Variants in FRY observed in about 807,000 individuals in gnomAD.
FRY encodes FRY microtubule binding protein, also known as protein furry homolog.
In FRY, 128 loss-of-function variants were observed where a neutral mutation model predicts 348.4. The ratio of observed to expected loss-of-function variants is 0.37; its 90% confidence interval spans 0.32 to 0.43. The LOEUF is 0.43. FRY is among the 20% of genes least tolerant of loss of function. The probability of loss-of-function intolerance (pLI) is 1.00; values close to 1 mark genes in which losing one functional copy is unlikely to be tolerated. For missense variants in FRY, 2,736 were observed against 3,695.2 expected, an observed-to-expected ratio of 0.74 and a Z score of 6.73; for synonymous variants, 1,370 against 1,374.7, an observed-to-expected ratio of 1.00 and a Z score of 0.08.
chr13:32,238,378 G>A (rs1293386526), intron 44 of FRY, among the ~76,000 whole-genome samples: 1 of 151,668 alleles, frequency 6.6e-6, no homozygotes, highest in Non-Finnish European at 1.5e-5. Context: ...AATTCTGTTG[G>A]TTTCCTCTTG....
intron 2 of FRY, among the ~76,000 whole-genome samples, chr13:32,095,279 C>A (rs1430543891): frequency 2.0e-5 from 3 of 146,420 alleles, no homozygotes; most frequent in Non-Finnish European, 3.0e-5. Context: ...CAAATATTTT[C>A]TCCTGTTCTG....
chr13:32,035,074 C>T (rs1421521947), intron 1 of FRY, among the ~76,000 whole-genome samples: 8 of 152,310 alleles, frequency 5.3e-5, no homozygotes, highest in Admixed American at 4.6e-4. Context: ...GCACTTAGCA[C>T]AATACCTAGC....
chr13:32,133,530 A>T (rs781475147), intron 8 of FRY, among the ~76,000 whole-genome samples: 1 of 152,180 alleles, frequency 6.6e-6, no homozygotes, highest in East Asian at 1.9e-4. Context: ...CAAAAGAATG[A>T]CTATTCTGGG....
chr13:32,212,266 T>C, intron 34 of FRY, 26 bp from the exon 35 acceptor site: 2 of 1,349,756 alleles, frequency 1.5e-6, no homozygotes, highest in South Asian at 1.2e-5. Context: ...TTTTTATAAG[T>C]GTTTTTCTTC....
rs760365130 is a variant in FRY, at chr13:32,295,390, G to T, written c.8972G>T (p.Arg2991Leu). Residue 2991 changes from arginine (R) to leucine (L), a missense_variant, in exon 61 of 61, where the codon CGC becomes CTC. Around this residue, in one of 9 missense-constraint regions of FRY, gnomAD observed 157 missense variants for 215.2 expected, o/e 0.73. Transcript: ENST00000542859. Reference protein sequence around the residue: ...ELNMEIRDMIRRAQSYRVLTT... With the variant: ...ELNMEIRDMILRAQSYRVLTT... ...AACATGGAGATCCGGGACATGATCCGCAGGGCCCAGAGTTACCGAGTCCTC... is the reference window on the plus strand; with the variant it reads ...AACATGGAGATCCGGGACATGATCCTCAGGGCCCAGAGTTACCGAGTCCTC... 1.8e-5 allele frequency: 29 copies of T among 1,612,646 alleles called. No individual in the cohort carries two copies. The highest frequency in any genetic ancestry group is 2.7e-5 in the African/African-American group (2 of 74,912).
intron 2 of FRY, among the ~76,000 whole-genome samples, chr13:32,094,975 T>C (rs1876590303): frequency 6.6e-6 from 1 of 152,240 alleles, no homozygotes; most frequent in Non-Finnish European, 1.5e-5. Flanking sequence ...AACCAGTGTA[T>C]GAAGGTTCCC....
chr13:32,144,151 C>T (rs562771250), intron 11 of FRY, among the ~76,000 whole-genome samples: 2 of 150,562 alleles, frequency 1.3e-5, no homozygotes, highest in African/African-American at 4.9e-5. Context: ...TTCAAGTCCC[C>T]TTTAAGTAAC....
intron 35 of FRY, among the ~76,000 whole-genome samples, chr13:32,218,435 C>T (rs372331252): frequency 1.3e-5 from 2 of 152,154 alleles, no homozygotes; most frequent in African/African-American, 4.8e-5. Context: ...AATCTCAGCA[C>T]TCTGGGAGGC....
At chr13:32,099,530 A>G (rs1182776585) in intron 2 of FRY, among the ~76,000 whole-genome samples, 1 of 152,084 alleles carries the variant, frequency 6.6e-6, no homozygotes, top group Admixed American at 6.6e-5. Context: ...CTGAAAGAGC[A>G]CAAAGAAATA....
chr13:32,148,028 C>A, intron 13 of FRY, 81 bp downstream of exon 13: 1 of 835,308 alleles, frequency 1.2e-6, no homozygotes, highest in Non-Finnish European at 2.1e-6. Flanking sequence ...TACTAAAAGA[C>A]GGAAAGTCTA....
intron 47 of FRY, 90 bp from the exon 48 acceptor site, chr13:32,247,233 G>A (rs1407178448): frequency 1.9e-6 from 2 of 1,039,392 alleles, no homozygotes; most frequent in Non-Finnish European, 3.0e-6. Context: ...AATTCTGACT[G>A]GTCACTAGCT....
intron 1 of FRY, among the ~76,000 whole-genome samples, 189 bp from the exon 2 acceptor site, chr13:32,078,645 A>T (rs910949432): frequency 6.6e-6 from 1 of 152,258 alleles, no homozygotes; most frequent in African/African-American, 2.4e-5. Context: ...CAAATGTGGT[A>T]TAACACAAAC....
intron 46 of FRY, among the ~76,000 whole-genome samples, chr13:32,241,202 G>A (rs1886480085): frequency 6.6e-6 from 1 of 152,162 alleles, no homozygotes; most frequent in Non-Finnish European, 1.5e-5. Flanking sequence ...GGCAGACCTT[G>A]CCTCCTTTAA....
intron 7 of FRY, among the ~76,000 whole-genome samples, chr13:32,129,366 G>T (rs1361376465): frequency 6.6e-6 from 1 of 152,172 alleles, no homozygotes; most frequent in Non-Finnish European, 1.5e-5. Context: ...ACCAGAGAAT[G>T]TGCTGATACC....
Position 32,203,269 on chromosome 13 carries a change from T to C in FRY, c.4018+742T>C, listed in dbSNP as rs540475924. Among the ~76,000 whole-genome samples the C allele has an allele frequency of 1.8e-4, 28 of 152,366 alleles. No individual in the cohort carries two copies. In the South Asian group the frequency reaches 5.8e-3, roughly 32 times the overall value. On this transcript the variant is annotated intron_variant, in intron 31 of 60. Transcript: ENST00000542859. ...TGGTGGTTGTGATAGTGGTGGTGTT[T>C]TGTAGCTTGTATTTTGCTACATATG...
chr13:32,136,772 C>A lies in FRY; in HGVS notation c.1078-99C>A, dbSNP rs548512050. ...AGTGTCCTGTTTCTTGCCCACAGGG[C>A]CCCCGAGGGAGATGGCAAGGTAGTG... is the stretch of plus-strand genomic sequence containing the variant. On this transcript the variant is annotated intron_variant, in intron 10 of 60. Transcript: ENST00000542859. 78 of 806,550 alleles carry A rather than the reference C, an allele frequency of 9.7e-5. No homozygotes were observed. In the African/African-American group the frequency reaches 1.2e-3, roughly 12 times the overall value. The allele number at this position is 806,550 out of a possible 1,614,324, so 50.0% of individuals were successfully genotyped here.
At position 32,297,251 on chromosome 13, in the gene FRY, A is replaced by T. The variant is rs1566205547; in HGVS notation, c.*1791A>T. The T allele has an allele frequency of 6.6e-6, 1 of 152,066 alleles. No homozygotes were observed. Among genetic ancestry groups the T allele is most frequent in the East Asian group, 1.9e-4 (1 of 5,192 alleles). 9.4% of individuals were successfully genotyped at this position (152,066 alleles called of 1,614,324 possible). A position where few individuals can be genotyped will look rare whatever the true frequency, so the allele number is the denominator to read the frequency against. On this transcript the variant is annotated 3_prime_UTR_variant, in exon 61 of 61. Transcript: ENST00000542859. ...TAATTTTCTGGACTGCTGAAAACAT[A>T]TTTTTCTGATGATTTATTTTTTTCA...
intron 1 of FRY, among the ~76,000 whole-genome samples, chr13:32,062,348 G>A (rs1873994797): frequency 6.6e-6 from 1 of 152,054 alleles, no homozygotes; most frequent in Non-Finnish European, 1.5e-5. Flanking sequence ...AGTGTATTTT[G>A]GCTGAACAGA....
At chr13:32,135,229 A>G (rs1879633365) in intron 10 of FRY, 46 bp downstream of exon 10, 2 of 1,143,098 alleles carry the variant, frequency 1.7e-6, no homozygotes, top group African/African-American at 3.0e-5. Context: ...AACTGCACAG[A>G]CTAAAATTCC....
Sources: gnomAD v4.1 joint callset for allele counts (sites outside exome capture counted in the v4.1 genomes callset) on GRCh38, gnomAD v4.1.1 for gene constraint, gnomAD v4.1.1 regional missense constraint, MANE v1.5 for transcripts, NCBI Gene and HGNC (gene_info 2026-07-23, HGNC 2026-07-21) for gene names.